The following GATAD2B variants were observed in gnomAD, a reference collection of about 807,000 sequenced individuals.
GATAD2B encodes transcriptional repressor p66-beta.
In GATAD2B, 8 loss-of-function variants were observed where a neutral mutation model predicts 64.3. The ratio of observed to expected loss-of-function variants is 0.12; its 90% CI spans 0.07 to 0.22. The LOEUF is 0.22. Ranked by LOEUF, GATAD2B falls within the 10% of genes least tolerant of loss-of-function variation. GATAD2B has a pLI of 1.00. For missense variants in GATAD2B, 453 were observed against 752.0 expected (o/e 0.60, Z 4.65); for synonymous variants, 281 against 271.3 (o/e 1.04, Z -0.35).
intron 1 of GATAD2B, among the ~76,000 whole-genome samples, chr1:153,887,259 C>T (rs1038457558): frequency 6.6e-6 from 1 of 152,128 alleles, no homozygotes; most frequent in African/African-American, 2.4e-5. Context: ...ACAAAGAAAA[C>T]CATTTGCTTT....
chr1:153,881,782 C>T (rs1227794861), intron 1 of GATAD2B, among the ~76,000 whole-genome samples: 1 of 149,848 alleles, frequency 6.7e-6, no homozygotes, highest in South Asian at 2.1e-4. Context: ...AGGTTTTTTT[C>T]GTGTGTGTGT....
intron 1 of GATAD2B, among the ~76,000 whole-genome samples, chr1:153,857,965 C>A (rs1676151116): frequency 6.6e-6 from 1 of 152,064 alleles, no homozygotes; most frequent in Non-Finnish European, 1.5e-5. Context: ...GTAAGAAATA[C>A]AAATAATTTG....
chr1:153,919,634 T>C (rs1571014521), intron 1 of GATAD2B, among the ~76,000 whole-genome samples: 3 of 152,302 alleles, frequency 2.0e-5, no homozygotes, highest in Non-Finnish European at 4.4e-5. Context: ...AATCCAGTCA[T>C]TGTAACATAA....
intron 1 of GATAD2B, among the ~76,000 whole-genome samples, chr1:153,831,901 T>C (rs1053461302): frequency 6.6e-6 from 1 of 152,176 alleles, no homozygotes; most frequent in South Asian, 2.1e-4. Context: ...CACTTTATTG[T>C]GCTTTGCAGA....
Position 153,818,046 on chromosome 1 carries a change from T to A in GATAD2B, c.723A>T (p.Thr241=). ...AQGVEPQNLR[T]LQGHSVIRSA... ...CCCACTATGGGTCACATACCTGTAATGTTCTCAAATTTTGAGGTTCAACCC... is the reference window on the plus strand; with the variant it reads ...CCCACTATGGGTCACATACCTGTAAAGTTCTCAAATTTTGAGGTTCAACCC... The change falls in exon 5 of 11, where the codon ACA becomes ACT. Residue 241 remains threonine (T), a synonymous_variant. Coordinates refer to ENST00000368655, the MANE Select transcript of GATAD2B (RefSeq NM_020699.4). The A allele has an allele frequency of 6.2e-7, 1 of 1,608,042 alleles. No individual in the cohort carries two copies. Among genetic ancestry groups the A allele is most frequent in the Non-Finnish European group, 8.5e-7 (1 of 1,177,718 alleles).
At chr1:153,861,665 C>T (rs1183627394) in intron 1 of GATAD2B, among the ~76,000 whole-genome samples, 1 of 148,676 alleles carries the variant, frequency 6.7e-6, no homozygotes, top group African/African-American at 2.5e-5. Flanking sequence ...CGCCTGTAGT[C>T]CCAGCTACTT....
chr1:153,903,959 T>G (rs546404934), intron 1 of GATAD2B, among the ~76,000 whole-genome samples: 1 of 151,990 alleles, frequency 6.6e-6, no homozygotes, highest in East Asian at 1.9e-4. Flanking sequence ...ACTCCAGCGT[T>G]GGCAACAGCA....
intron 1 of GATAD2B, among the ~76,000 whole-genome samples, chr1:153,839,131 A>AAAAAAAAAAAAAAAAAAAC (rs1557795694): frequency 6.8e-6 from 1 of 147,956 alleles, no homozygotes; most frequent in African/African-American, 2.5e-5. Flanking sequence ...AAAAAAAAAA[A>AAAAAAAAAAAAAAAAAAAC]AAAGAAAGTT....
intron 1 of GATAD2B, among the ~76,000 whole-genome samples, chr1:153,855,390 G>A (rs571895503): frequency 1.6e-4 from 24 of 151,678 alleles, no homozygotes; most frequent in African/African-American, 4.6e-4. Flanking sequence ...CCCCACGCCC[G>A]GCTAATTTTT....
intron 1 of GATAD2B, among the ~76,000 whole-genome samples, chr1:153,831,524 T>C (rs1378615042): frequency 6.6e-6 from 1 of 152,090 alleles, no homozygotes; most frequent in Admixed American, 6.6e-5. Flanking sequence ...AAAGAATAGC[T>C]TTACTGAGAT....
At chr1:153,864,448 C>A (rs763082640) in intron 1 of GATAD2B, among the ~76,000 whole-genome samples, 33 of 152,142 alleles carry the variant, frequency 2.2e-4, no homozygotes, top group Admixed American at 3.9e-4. Flanking sequence ...GAGACCTTGT[C>A]TCTACAAAAA....
intron 1 of GATAD2B, among the ~76,000 whole-genome samples, chr1:153,863,770 C>CTGT (rs1468831682): frequency 4.0e-5 from 6 of 151,862 alleles, no homozygotes; most frequent in African/African-American, 1.5e-4. Flanking sequence ...ACTACAGGCA[C>CTGT]GTGCCACAAT....
At chr1:153,861,230 A>G (rs1329119038) in intron 1 of GATAD2B, among the ~76,000 whole-genome samples, 1 of 152,026 alleles carries the variant, frequency 6.6e-6, no homozygotes, top group East Asian at 1.9e-4. Context: ...AAAAATATAT[A>G]TATTATAACC....
intron 1 of GATAD2B, among the ~76,000 whole-genome samples, chr1:153,899,932 AAAGAT>A (rs1193238698): frequency 2.0e-5 from 3 of 152,222 alleles, no homozygotes; most frequent in African/African-American, 7.2e-5. Context: ...TTAAATGTGT[AAAGAT>A]CTATGTAAGA....
intron 1 of GATAD2B, chr1:153,853,336 T>C: frequency 1.4e-6 from 1 of 736,368 alleles, no homozygotes; most frequent in Admixed American, 1.9e-5. Context: ...CATGGGGTCA[T>C]ATGTGGAGCT....
chr1:153,832,125 G>C (rs1027631440), intron 1 of GATAD2B, among the ~76,000 whole-genome samples: 1 of 152,130 alleles, frequency 6.6e-6, no homozygotes, highest in Non-Finnish European at 1.5e-5. Context: ...TGAGGCAGGA[G>C]GATCACTTGA....
chr1:153,889,794 G>T (rs1014912529), intron 1 of GATAD2B: 1 of 160,180 alleles, frequency 6.2e-6, no homozygotes, highest in African/African-American at 2.4e-5. Context: ...TAATTACTTT[G>T]TACTCTATTT....
At chr1:153,913,069 C>G (rs984812102) in intron 1 of GATAD2B, among the ~76,000 whole-genome samples, 1 of 151,976 alleles carries the variant, frequency 6.6e-6, no homozygotes, top group African/African-American at 2.4e-5. Flanking sequence ...GCCTGGGCAA[C>G]AAGAGTGAGA....
chr1:153,874,844 T>C (rs545826065), intron 1 of GATAD2B, among the ~76,000 whole-genome samples: 1 of 152,012 alleles, frequency 6.6e-6, no homozygotes, highest in African/African-American at 2.4e-5. Context: ...CCCAAAGTGC[T>C]GAGATTACAG....
Sources: gnomAD v4.1 joint callset for allele counts (sites outside exome capture counted in the v4.1 genomes callset) on GRCh38, gnomAD v4.1.1 for gene constraint, MANE v1.5 for transcripts, NCBI Gene and HGNC (gene_info 2026-07-23, HGNC 2026-07-21) for gene names.